KCND2: variants seen among roughly 807,000 people sequenced by gnomAD.
The protein encoded by KCND2 is A-type voltage-gated potassium channel KCND2.
KCND2 carries 16 observed loss-of-function variants against 54.4 expected under a neutral mutation model. That is an observed-to-expected ratio of 0.29 (90% CI 0.20 to 0.45). KCND2 has a LOEUF of 0.45. Ranked by LOEUF, KCND2 falls within the 20% of genes least tolerant of loss-of-function variation. The pLI is 1.00. For synonymous variants in KCND2, 317 were observed against 310.7 expected, an observed-to-expected ratio of 1.02 and a Z score of -0.21; for missense variants, 486 against 824.2, an observed-to-expected ratio of 0.59 and a Z score of 5.02.
chr7:120,583,846 G>A (rs1792553202), intron 1 of KCND2, among the ~76,000 whole-genome samples: 2 of 151,516 alleles, frequency 1.3e-5, no homozygotes, highest in South Asian at 2.1e-4. Flanking sequence ...GTGAAAAAAA[G>A]CAATATAGAA....
chr7:120,439,964 G>A (rs1230886730), intron 1 of KCND2, among the ~76,000 whole-genome samples: 1 of 152,046 alleles, frequency 6.6e-6, no homozygotes, highest in Non-Finnish European at 1.5e-5. Context: ...GAACATGACA[G>A]TGCAGATATC....
intron 1 of KCND2, among the ~76,000 whole-genome samples, chr7:120,596,167 G>T (rs1179243119): frequency 6.6e-6 from 1 of 151,988 alleles, no homozygotes; most frequent in Non-Finnish European, 1.5e-5. Flanking sequence ...CAAAAATGTA[G>T]GTAAGGATAT....
intron 1 of KCND2, among the ~76,000 whole-genome samples, chr7:120,440,692 A>G (rs1275623974): frequency 6.6e-6 from 1 of 151,886 alleles, no homozygotes; most frequent in Admixed American, 6.6e-5. Context: ...TTCTAGTTTC[A>G]TTTATCTGTA....
intron 1 of KCND2, among the ~76,000 whole-genome samples, chr7:120,650,441 C>T (rs1333932769): frequency 7.0e-6 from 1 of 142,818 alleles, no homozygotes; most frequent in Non-Finnish European, 1.5e-5. Flanking sequence ...TCGTGTAGTT[C>T]TCGTGCCATG....
chr7:120,275,314 G>T lies in KCND2; in HGVS notation c.682G>T (p.Ala228Ser). The T allele has an allele frequency of 6.2e-7, 1 of 1,613,782 alleles. No homozygotes were observed. The highest frequency in any genetic ancestry group is 8.5e-7 in the Non-Finnish European group (1 of 1,179,942). Residue 228 changes from alanine (A) to serine (S), a missense_variant, in exon 1 of 6, where the codon GCC becomes TCC. Coordinates refer to ENST00000331113, the MANE Select transcript of KCND2 (RefSeq NM_012281.3). ...GCCCTGTGGAGAGCGGTATGCTGTGGCCTTCTTCTGCTTGGACACGGCCTG... is the reference window on the plus strand; with the variant it reads ...GCCCTGTGGAGAGCGGTATGCTGTGTCCTTCTTCTGCTTGGACACGGCCTG... The part of the protein sequence containing the change: ...ELPCGERYAV[A>S]FFCLDTACVM...
At chr7:120,532,249 A>T (rs1012555280) in intron 1 of KCND2, among the ~76,000 whole-genome samples, 1 of 152,094 alleles carries the variant, frequency 6.6e-6, no homozygotes, top group African/African-American at 2.4e-5. Flanking sequence ...ATATTTATAC[A>T]TGTGAACATG....
chr7:120,451,626 G>C (rs986443744), intron 1 of KCND2, among the ~76,000 whole-genome samples: 2 of 152,138 alleles, frequency 1.3e-5, no homozygotes, highest in Non-Finnish European at 2.9e-5. Context: ...AGGCAAATGA[G>C]TGACGTAAGG....
intron 1 of KCND2, among the ~76,000 whole-genome samples, chr7:120,468,773 G>A (rs1802414328): frequency 6.6e-6 from 1 of 152,054 alleles, no homozygotes; most frequent in Non-Finnish European, 1.5e-5. Context: ...GAATTTTAAT[G>A]TGATCTGAGA....
At position 120,672,700 on chromosome 7, in the gene KCND2, G is replaced by A. The variant is rs138030180; in HGVS notation, c.1116-60203G>A. ...GATCAGATCTGTGATAGGCTGACTT[G>A]TGTCTCCCTAGAAATTCATATGTTG... On this transcript the variant is annotated intron_variant, in intron 1 of 5. Transcript: ENST00000331113. Among the ~76,000 whole-genome samples the A allele has an allele frequency of 3.3e-5, 5 of 152,152 alleles. No homozygotes were observed. In the East Asian group the frequency reaches 9.7e-4, roughly 29 times the overall value.
chr7:120,406,662 G>T (rs988015853), intron 1 of KCND2, among the ~76,000 whole-genome samples: 2 of 151,944 alleles, frequency 1.3e-5, no homozygotes, highest in African/African-American at 4.8e-5. Flanking sequence ...TTACTGGAGA[G>T]GTGAGATACA....
Position 120,274,424 on chromosome 7 carries a change from C to T in KCND2, c.-209C>T. ...TTGTTAGGACGTTGTATTTTGTTGC[C>T]ATTATTCCAAATACCTGTCTTGGAG... On this transcript the variant is annotated 5_prime_UTR_variant, in exon 1 of 6. Coordinates refer to ENST00000331113, the MANE Select transcript of KCND2 (RefSeq NM_012281.3). 1 of 649,694 alleles carries T rather than the reference C, an allele frequency of 1.5e-6. No homozygotes were observed. The highest frequency in any genetic ancestry group is 1.8e-5 in the South Asian group (1 of 54,758). 40.2% of individuals were successfully genotyped at this position (649,694 alleles called of 1,614,324 possible).
chr7:120,336,041 T>A (rs1035165211), intron 1 of KCND2, among the ~76,000 whole-genome samples: 2 of 152,202 alleles, frequency 1.3e-5, no homozygotes, highest in African/African-American at 4.8e-5. Flanking sequence ...CCATAATTCC[T>A]AATTTTTTTG....
chr7:120,628,390 A>G (rs1333302471), intron 1 of KCND2, among the ~76,000 whole-genome samples: 1 of 152,216 alleles, frequency 6.6e-6, no homozygotes, highest in Non-Finnish European at 1.5e-5. Flanking sequence ...AAGTGAGCAA[A>G]TCAGTGTTTC....
chr7:120,350,361 T>G (rs1800384278), intron 1 of KCND2, among the ~76,000 whole-genome samples: 1 of 152,152 alleles, frequency 6.6e-6, no homozygotes, highest in African/African-American at 2.4e-5. Flanking sequence ...TTCCTACATT[T>G]CTTATGCCTT....
At chr7:120,660,905 T>G (rs2116559426) in intron 1 of KCND2, among the ~76,000 whole-genome samples, 1 of 152,324 alleles carries the variant, frequency 6.6e-6, no homozygotes, top group Non-Finnish European at 1.5e-5. Context: ...TTTCTTTAAG[T>G]CCTATCTTAA....
chr7:120,357,125 T>G (rs896674117), intron 1 of KCND2, among the ~76,000 whole-genome samples: 4 of 152,138 alleles, frequency 2.6e-5, no homozygotes, highest in African/African-American at 9.7e-5. Flanking sequence ...TTTATTCTTT[T>G]TCTAAGTGAA....
intron 1 of KCND2, among the ~76,000 whole-genome samples, chr7:120,502,030 T>A (rs138134778): frequency 2.6e-5 from 4 of 152,186 alleles, no homozygotes; most frequent in African/African-American, 7.2e-5. Flanking sequence ...GACAATGAGA[T>A]GTAATCAGAA....
intron 1 of KCND2, among the ~76,000 whole-genome samples, chr7:120,396,665 G>A (rs181975345): frequency 6.6e-6 from 1 of 151,276 alleles, no homozygotes; most frequent in Non-Finnish European, 1.5e-5. Context: ...AGGTTTAAAT[G>A]TGTGTGTGTG....
At chr7:120,326,181 G>A (rs1265870192) in intron 1 of KCND2, among the ~76,000 whole-genome samples, 3 of 151,974 alleles carry the variant, frequency 2.0e-5, no homozygotes, top group African/African-American at 7.2e-5. Flanking sequence ...ACTTGATTGG[G>A]GAGGACTAAT....
Sources: allele counts gnomAD v4.1 joint callset (sites outside exome capture counted in the v4.1 genomes callset), GRCh38; gene constraint gnomAD v4.1.1; transcripts MANE v1.5; gene names NCBI Gene and HGNC (gene_info 2026-07-23, HGNC 2026-07-21).